The following RBFOX1 variants were observed in gnomAD, a reference collection of about 807,000 sequenced individuals.
RBFOX1 encodes the protein RNA binding protein fox-1 homolog 1.
RBFOX1 carries 8 observed loss-of-function variants against 57.7 expected under a neutral mutation model. The observed-to-expected ratio is 0.14, with a 90% CI of 0.08 to 0.25. RBFOX1 has a LOEUF of 0.25. Among genes scored for constraint, RBFOX1 ranks in the 10% least tolerant of loss-of-function variants. RBFOX1 has a pLI of 1.00. For synonymous variants in RBFOX1, 326 were observed against 222.4 expected, an observed-to-expected ratio of 1.47 and a Z score of -4.15; for missense variants, 611 against 548.5, an observed-to-expected ratio of 1.11 and a Z score of -1.14.
intron 3 of RBFOX1, among the ~76,000 whole-genome samples, chr16:6,823,958 A>G (rs1426686842): frequency 6.6e-6 from 1 of 152,218 alleles, no homozygotes; most frequent in East Asian, 1.9e-4. Flanking sequence ...AAGAGGTGGC[A>G]TCTGGTCCAA....
chr16:5,949,879 G>A (rs2059485712), intron 4 of RBFOX1, among the ~76,000 whole-genome samples: 1 of 152,174 alleles, frequency 6.6e-6, no homozygotes, highest in East Asian at 1.9e-4. Flanking sequence ...ACAAGCTCAA[G>A]CTAGAGAGCT....
At chr16:5,771,987 C>G (rs9922293) in intron 3 of RBFOX1, among the ~76,000 whole-genome samples, 42,999 of 151,900 alleles carry the variant, frequency 0.28, 6,539 homozygotes, top group East Asian at 0.56. Context: ...GCCTGACCAA[C>G]ATGGTGAAAC....
At chr16:6,802,202 G>C (rs1365026252) in intron 3 of RBFOX1, among the ~76,000 whole-genome samples, 2 of 152,044 alleles carry the variant, frequency 1.3e-5, no homozygotes, top group Non-Finnish European at 2.9e-5. Context: ...CTTTGTAGAT[G>C]GGCTCTGGCT....
At chr16:7,461,994 G>T (rs991793051) in intron 4 of RBFOX1, among the ~76,000 whole-genome samples, 1 of 152,202 alleles carries the variant, frequency 6.6e-6, no homozygotes, top group Admixed American at 6.5e-5. Flanking sequence ...ATTAAAGAAT[G>T]AAACATGCTT....
chr16:6,601,318 C>G (rs979175138), intron 2 of RBFOX1, among the ~76,000 whole-genome samples: 17 of 152,144 alleles, frequency 1.1e-4, no homozygotes, highest in East Asian at 1.9e-4. Flanking sequence ...ACTCTCCCCT[C>G]TCTCATGAAC....
chr16:5,983,156 C>T (rs775142179), intron 4 of RBFOX1, among the ~76,000 whole-genome samples: 13 of 152,148 alleles, frequency 8.5e-5, no homozygotes, highest in Non-Finnish European at 1.6e-4. Flanking sequence ...GCGTCCCTGC[C>T]CCCCATTACC....
chr16:7,246,943 A>G (rs2094326491), intron 4 of RBFOX1, among the ~76,000 whole-genome samples: 1 of 152,168 alleles, frequency 6.6e-6, no homozygotes. Context: ...GACAGGGATG[A>G]GAACAGTGTC....
At chr16:6,243,652 CTCA>C (rs1283170298) in intron 1 of RBFOX1, among the ~76,000 whole-genome samples, 1 of 152,208 alleles carries the variant, frequency 6.6e-6, no homozygotes, top group Non-Finnish European at 1.5e-5. Flanking sequence ...CCGGGCCTGT[CTCA>C]TCAGAGCATC....
intron 2 of RBFOX1, among the ~76,000 whole-genome samples, chr16:5,482,120 A>G (rs1388930010): frequency 6.6e-6 from 1 of 152,194 alleles, no homozygotes; most frequent in Non-Finnish European, 1.5e-5. Flanking sequence ...ATCGTGTGAT[A>G]AACACATGAG....
intron 2 of RBFOX1, among the ~76,000 whole-genome samples, chr16:6,361,221 A>G (rs990978749): frequency 1.2e-4 from 19 of 152,180 alleles, no homozygotes; most frequent in African/African-American, 4.6e-4. Flanking sequence ...AGGAGAAGAA[A>G]GGCACAGAGG....
rs79333505 is a variant in RBFOX1, at chr16:7,681,959, A to G, written c.995+5121A>G. Among the ~76,000 whole-genome samples, 974 of 152,252 alleles carry G rather than the reference A, an allele frequency of 6.4e-3. 22 individuals carry two copies. Among genetic ancestry groups the G allele is most frequent in the African/African-American group, 0.022 (895 of 41,560 alleles). ...TCTCAAGATCTTATTCTAGTGCCGT[A>G]TTGAAAGCAGTATCTCCCAAGGCCA... On this transcript the variant is annotated intron_variant, in intron 14 of 15. Coordinates refer to ENST00000550418, the MANE Select transcript of RBFOX1 (RefSeq NM_018723.4).
chr16:6,732,552 TC>T (rs1296562657), intron 3 of RBFOX1, among the ~76,000 whole-genome samples: 1 of 152,234 alleles, frequency 6.6e-6, no homozygotes, highest in African/African-American at 2.4e-5. Context: ...TTGCTTTTCA[TC>T]CTGAATAGGC....
chr16:6,258,009 T>G (rs1325862023), intron 1 of RBFOX1, among the ~76,000 whole-genome samples: 1 of 152,182 alleles, frequency 6.6e-6, no homozygotes, highest in Non-Finnish European at 1.5e-5. Flanking sequence ...CACTGCCTTC[T>G]ACAAAGGTTG....
intron 2 of RBFOX1, among the ~76,000 whole-genome samples, chr16:6,396,666 G>T (rs1320954851): frequency 6.6e-6 from 1 of 152,110 alleles, no homozygotes; most frequent in African/African-American, 2.4e-5. Flanking sequence ...GCACTCTTCT[G>T]AGTAAGTTAA....
chr16:7,397,316 T>G (rs960077444), intron 4 of RBFOX1, among the ~76,000 whole-genome samples: 1 of 152,208 alleles, frequency 6.6e-6, no homozygotes, highest in Non-Finnish European at 1.5e-5. Flanking sequence ...ATATTTAACA[T>G]GCTATTCACT....
chr16:6,125,130 T>A (rs1372453145), intron 1 of RBFOX1, among the ~76,000 whole-genome samples: 4 of 152,182 alleles, frequency 2.6e-5, no homozygotes, highest in Non-Finnish European at 5.9e-5. Flanking sequence ...AGCCTCTGGA[T>A]GGTCTCATAC....
intron 2 of RBFOX1, among the ~76,000 whole-genome samples, chr16:6,539,548 A>G (rs2096782628): frequency 6.6e-6 from 1 of 152,104 alleles, no homozygotes; most frequent in Non-Finnish European, 1.5e-5. Context: ...CTATAATCCC[A>G]GCACATTGGG....
intron 4 of RBFOX1, among the ~76,000 whole-genome samples, chr16:5,910,436 C>T (rs182844197): frequency 8.9e-4 from 135 of 152,358 alleles, no homozygotes; most frequent in Non-Finnish European, 1.3e-3. Flanking sequence ...TCATCCATCC[C>T]TCTGCCTTCA....
chr16:7,091,076 G>A (rs752998883), intron 4 of RBFOX1, among the ~76,000 whole-genome samples: 7 of 152,128 alleles, frequency 4.6e-5, no homozygotes, highest in South Asian at 2.1e-4. Context: ...AATGGTCCCC[G>A]CTTAAACTCT....
Sources: gnomAD v4.1 joint callset for allele counts (sites outside exome capture counted in the v4.1 genomes callset) on GRCh38, gnomAD v4.1.1 for gene constraint, MANE v1.5 for transcripts, NCBI Gene and HGNC (gene_info 2026-07-23, HGNC 2026-07-21) for gene names.